The following DMD variants were observed in gnomAD, a reference collection of about 807,000 sequenced individuals.
DMD encodes dystrophin, also known as mutant dystrophin.
DMD carries 63 observed loss-of-function variants against 330.1 expected under a neutral mutation model. That is an observed-to-expected ratio of 0.19 (90% CI 0.16 to 0.24). The LOEUF is 0.24. Ranked by LOEUF, DMD falls within the 10% of genes least tolerant of loss-of-function variation. The pLI is 1.00. For synonymous variants in DMD, 1,223 were observed against 959.8 expected (o/e 1.27, Z -5.07); for missense variants, 3,344 against 2,684.1 (o/e 1.25, Z -5.43).
chrX:33,257,499 T>C (rs781381742), intron 1 of DMD, among the ~76,000 whole-genome samples: 1 of 111,361 alleles, frequency 9.0e-6, no homozygotes, highest in African/African-American at 3.2e-5. Context: ...AGAGATTAAT[T>C]CATCCTTACT....
At chrX:32,212,979 A>T (rs918928947) in intron 44 of DMD, among the ~76,000 whole-genome samples, 1 of 112,075 alleles carries the variant, frequency 8.9e-6, no homozygotes, top group Non-Finnish European at 1.9e-5. Context: ...GATAACACTA[A>T]GTCTCAGTTA....
intron 11 of DMD, among the ~76,000 whole-genome samples, chrX:32,636,433 G>A (rs2059099361): frequency 8.9e-6 from 1 of 111,733 alleles, no homozygotes; most frequent in African/African-American, 3.3e-5. Context: ...AATTAAACAT[G>A]CACTAACATT....
Position 32,706,859 on chromosome X carries a change from G to T in DMD, c.650-7566C>A, listed in dbSNP as rs185072761. On this transcript the variant is annotated intron_variant, in intron 7 of 78. Coordinates refer to ENST00000357033, the MANE Select transcript of DMD (RefSeq NM_004006.3). ...TAATCCGAGCACTTTGGGAGGCTGA[G>T]GTGGGCGGATCACCTGAGGTCAGGA... is the stretch of plus-strand genomic sequence containing the variant. Among the ~76,000 whole-genome samples, 371 of 111,605 alleles carry T rather than the reference G, an allele frequency of 3.3e-3. 5 individuals are homozygous for T. Among genetic ancestry groups the T allele is most frequent in the Admixed American group, 0.029 (309 of 10,510 alleles).
At chrX:32,573,201 G>A (rs5927081) in intron 15 of DMD, among the ~76,000 whole-genome samples, 4 of 111,458 alleles carry the variant, frequency 3.6e-5, no homozygotes, top group East Asian at 2.8e-4. Context: ...GAGAATCAAC[G>A]TCAGTCTATT....
intron 60 of DMD, among the ~76,000 whole-genome samples, chrX:31,434,430 A>AGTG (rs2064349526): frequency 3.8e-5 from 3 of 79,999 alleles, no homozygotes; most frequent in East Asian, 4.3e-4. Flanking sequence ...ACACACACAC[A>AGTG]CACACACACA....
At chrX:32,074,850 A>ACAGCAG (rs1283512424) in intron 44 of DMD, among the ~76,000 whole-genome samples, 1 of 105,286 alleles carries the variant, frequency 9.5e-6, no homozygotes, top group African/African-American at 3.5e-5. Context: ...AAGGGGAAAA[A>ACAGCAG]CAGCAGCAGC....
intron 27 of DMD, among the ~76,000 whole-genome samples, chrX:32,445,597 A>T (rs1323107508): frequency 1.8e-5 from 2 of 111,016 alleles, no homozygotes; most frequent in Non-Finnish European, 3.8e-5. Flanking sequence ...ATGAGATCCC[A>T]GAGAAATATT....
rs756590471 is a variant in DMD at position 32,645,128 on chromosome X, A to T, written c.985T>A (p.Ser329Thr). The change falls in exon 10 of 79, where the codon TCA (serine) becomes ACA (threonine). Residue 329 changes from serine to threonine, a missense_variant. Physicochemically the swap from Ser to Thr is moderately conservative, Grantham distance 58. Coordinates refer to ENST00000357033, the MANE Select transcript of DMD (RefSeq NM_004006.3). ...SQHLEAPEDK[S>T]FGSSLMESEV... Reference sequence around the variant, plus strand: ...CTCTCCATCAATGAACTGCCAAATGACTTGTCTTCAGGAGCTTCCAAATGC... The same window carrying T: ...CTCTCCATCAATGAACTGCCAAATGTCTTGTCTTCAGGAGCTTCCAAATGC... 96 of 1,209,764 alleles carry T rather than the reference A, an allele frequency of 7.9e-5. 1 individual carries two copies. The South Asian group carries it at 1.4e-3, about 17-fold the overall frequency.
At chrX:31,609,818 G>T (rs2077811007) in intron 55 of DMD, among the ~76,000 whole-genome samples, 1 of 111,233 alleles carries the variant, frequency 9.0e-6, no homozygotes, top group South Asian at 3.8e-4. Context: ...TAGGTCGATA[G>T]CCTGAGTTTT....
chrX:31,198,818 C>T (rs903267785), intron 67 of DMD, among the ~76,000 whole-genome samples: 90 of 112,079 alleles, frequency 8.0e-4, no homozygotes, highest in African/African-American at 2.8e-3. Flanking sequence ...AAAAGTGATA[C>T]TTGGTTTTAT....
intron 9 of DMD, among the ~76,000 whole-genome samples, chrX:32,690,249 A>C (rs2063179273): frequency 9.0e-6 from 1 of 111,269 alleles, no homozygotes; most frequent in African/African-American, 3.3e-5. Context: ...AGTTTCTAGG[A>C]GACAAATTCC....
chrX:32,307,506 T>A (rs1030892944), intron 42 of DMD, among the ~76,000 whole-genome samples: 17 of 111,506 alleles, frequency 1.5e-4, no homozygotes, highest in African/African-American at 5.5e-4. Flanking sequence ...CCAGTCAGAG[T>A]ACAAGGCATG....
At chrX:32,601,283 T>C (rs991428114) in intron 12 of DMD, among the ~76,000 whole-genome samples, 2 of 112,206 alleles carry the variant, frequency 1.8e-5, no homozygotes, top group Admixed American at 9.5e-5. Flanking sequence ...TAAATAATCT[T>C]CCTCAACAGG....
At chrX:32,800,898 G>A (rs778424814) in intron 7 of DMD, among the ~76,000 whole-genome samples, 1 of 111,739 alleles carries the variant, frequency 8.9e-6, no homozygotes, top group South Asian at 3.7e-4. Context: ...TTTTGTTGCT[G>A]CATAGTATTC....
chrX:32,008,427 G>A (rs758648851), intron 44 of DMD, among the ~76,000 whole-genome samples: 12 of 111,357 alleles, frequency 1.1e-4, no homozygotes, highest in South Asian at 3.7e-4. Context: ...TGCAGTATGA[G>A]TAGTACCTAT....
chrX:32,262,640 T>C (rs1217690712), intron 43 of DMD, among the ~76,000 whole-genome samples: 1 of 110,061 alleles, frequency 9.1e-6, no homozygotes, highest in Non-Finnish European at 1.9e-5. Context: ...GCGAACACTG[T>C]GGTGTGCCAC....
At chrX:32,371,169 T>A (rs1377337487) in intron 34 of DMD, among the ~76,000 whole-genome samples, 1 of 111,886 alleles carries the variant, frequency 8.9e-6, no homozygotes, top group Non-Finnish European at 1.9e-5. Context: ...AGCCAAAGGA[T>A]AATTGAGCAA....
chrX:32,722,882 T>A (rs2066475689), intron 7 of DMD, among the ~76,000 whole-genome samples: 1 of 110,082 alleles, frequency 9.1e-6, no homozygotes, highest in African/African-American at 3.4e-5. Flanking sequence ...CAAACAGAAA[T>A]AATATTACTT....
At chrX:32,679,513 A>G (rs910176800) in intron 9 of DMD, among the ~76,000 whole-genome samples, 1 of 111,367 alleles carries the variant, frequency 9.0e-6, no homozygotes, top group African/African-American at 3.3e-5. Context: ...TATGTCCGAA[A>G]GTTCTTAAAG....
Sources: gnomAD v4.1 joint callset for allele counts (sites outside exome capture counted in the v4.1 genomes callset) on GRCh38, gnomAD v4.1.1 for gene constraint, MANE v1.5 for transcripts, NCBI Gene and HGNC (gene_info 2026-07-23, HGNC 2026-07-21) for gene names.